DOCK3: variants seen among roughly 807,000 people sequenced by gnomAD.
DOCK3 encodes dedicator of cytokinesis protein 3.
Under a neutral mutation model 265.6 loss-of-function variants are expected in DOCK3, and 60 were observed. The ratio of observed to expected loss-of-function variants is 0.23; its 90% CI spans 0.18 to 0.28. DOCK3 has a LOEUF of 0.28. Ranked by LOEUF, DOCK3 falls within the 10% of genes least tolerant of loss-of-function variation. The pLI is 1.00. For missense variants in DOCK3, 1,981 were observed against 2,594.3 expected (o/e 0.76, Z 5.14); for synonymous variants, 881 against 938.0 (o/e 0.94, Z 1.11).
At chr3:51,030,192 C>T (rs992155641) in intron 5 of DOCK3, among the ~76,000 whole-genome samples, 2 of 152,186 alleles carry the variant, frequency 1.3e-5, no homozygotes, top group African/African-American at 2.4e-5. Flanking sequence ...ATTTTGCACT[C>T]CAAACTTGAC....
At chr3:51,348,479 T>C (rs1438111558) in intron 38 of DOCK3, among the ~76,000 whole-genome samples, 1 of 152,184 alleles carries the variant, frequency 6.6e-6, no homozygotes, top group Admixed American at 6.5e-5. Flanking sequence ...ATAAACAGGG[T>C]CCCTGCCCTC....
At chr3:50,950,531 G>A (rs977214074) in intron 5 of DOCK3, among the ~76,000 whole-genome samples, 21 of 145,394 alleles carry the variant, frequency 1.4e-4, no homozygotes, top group African/African-American at 5.4e-4. Flanking sequence ...CCACAGTAGT[G>A]CTCATTTGCA....
intron 12 of DOCK3, among the ~76,000 whole-genome samples, chr3:51,181,877 G>A (rs938393214): frequency 6.6e-6 from 1 of 152,198 alleles, no homozygotes; most frequent in Non-Finnish European, 1.5e-5. Context: ...GGTGTCTAAT[G>A]TAGTAGATTG....
intron 12 of DOCK3, among the ~76,000 whole-genome samples, chr3:51,166,590 A>G (rs992257346): frequency 1.1e-4 from 16 of 152,182 alleles, no homozygotes; most frequent in Admixed American, 7.2e-4. Context: ...ACAGTGTTCA[A>G]CAGTTCCCTT....
At chr3:51,284,315 G>C (rs1265585901) in intron 27 of DOCK3, among the ~76,000 whole-genome samples, 1 of 152,008 alleles carries the variant, frequency 6.6e-6, no homozygotes, top group Admixed American at 6.6e-5. Context: ...GATCAGTGCA[G>C]AAAAGTGGCT....
chr3:51,003,382 G>T (rs944272020), intron 5 of DOCK3, among the ~76,000 whole-genome samples: 1 of 152,184 alleles, frequency 6.6e-6, no homozygotes, highest in Non-Finnish European at 1.5e-5. Context: ...TGAAATTCTA[G>T]AATCTCTAAA....
intron 23 of DOCK3, among the ~76,000 whole-genome samples, chr3:51,263,141 A>G (rs2079953815): frequency 6.6e-6 from 1 of 152,234 alleles, no homozygotes; most frequent in Non-Finnish European, 1.5e-5. Flanking sequence ...GATTGAAATG[A>G]AGGAAAATAT....
chr3:51,338,471 C>T lies in DOCK3; in HGVS notation c.3672+52C>T, dbSNP rs1226033767. 8.4e-6 allele frequency: 13 copies of T among 1,540,624 alleles called. No homozygotes were observed. In the South Asian group the frequency reaches 1.3e-4, roughly 16 times the overall value. ...CTCTGCCTACTGAAATGGTTTCTGT[C>T]CTGCACTGTGATTGGCTTGGCCCTT... On this transcript the variant is annotated intron_variant, in intron 36 of 52. Coordinates refer to ENST00000266037, the MANE Select transcript of DOCK3 (RefSeq NM_004947.5).
intron 4 of DOCK3, among the ~76,000 whole-genome samples, chr3:50,932,117 G>GAT (rs1037762404): frequency 6.6e-6 from 1 of 152,150 alleles, no homozygotes; most frequent in Non-Finnish European, 1.5e-5. Flanking sequence ...ACAAGCCCTT[G>GAT]ATGAAAGCTT....
At chr3:51,187,751 CTTTTT>C (rs1222615450) in intron 12 of DOCK3, among the ~76,000 whole-genome samples, 1 of 112,138 alleles carries the variant, frequency 8.9e-6, no homozygotes, top group African/African-American at 3.4e-5. Context: ...TCTGCACAAG[CTTTTT>C]TTTTTTTTTT....
At chr3:50,874,066 GTTTT>G (rs3043436) in intron 3 of DOCK3, among the ~76,000 whole-genome samples, 24 of 106,238 alleles carry the variant, frequency 2.3e-4, no homozygotes, top group African/African-American at 7.7e-4. Context: ...CTTTTCTTTT[GTTTT>G]TTTTTTTTTT....
In DOCK3 at chr3:51,160,558, G is replaced by A. The variant is rs750842490; in HGVS notation, c.893G>A (p.Arg298Gln). 12 of 1,607,732 alleles carry A rather than the reference G, an allele frequency of 7.5e-6. No homozygotes were observed. Among genetic ancestry groups the A allele is most frequent in the East Asian group, 2.2e-5 (1 of 44,746 alleles). Residue 298 changes from arginine (R) to glutamine (Q), a missense_variant, in exon 12 of 53, where the codon CGG (arginine) becomes CAG (glutamine). By Grantham distance (43) the Arg-to-Gln change is conservative. Coordinates refer to ENST00000266037, the MANE Select transcript of DOCK3 (RefSeq NM_004947.5). Reference protein sequence around the residue: ...YIVAHVIRIGRMLLNDSKKGP... With the variant: ...YIVAHVIRIGQMLLNDSKKGP... The stretch of plus-strand genomic sequence containing the variant: ...GGTGTTTTCTGCTGTGCCCAAGGCC[G>A]GATGCTCCTGAACGACTCAAAGAAA...
Position 51,379,563 on chromosome 3 carries a change from T to C in DOCK3, c.5501-562T>C, listed in dbSNP as rs1451927552. On this transcript the variant is annotated intron_variant, in intron 51 of 52. Transcript: ENST00000266037. ...GCCCCCCCAGTGCCTCCCCGAAGCC[T>C]GCTGCATGGTAAGAAGACCTCCAGC... is the stretch of plus-strand genomic sequence containing the variant. 3.0e-6 allele frequency: 3 copies of C among 985,336 alleles called. No individual in the cohort carries two copies. In the African/African-American group the frequency reaches 5.2e-5, roughly 17 times the overall value. 61.0% of individuals were successfully genotyped at this position (985,336 alleles called of 1,614,324 possible). A position where few individuals can be genotyped will look rare whatever the true frequency, so the allele number is the denominator to read the frequency against.
At chr3:50,759,398 T>C (rs978206512) in intron 1 of DOCK3, among the ~76,000 whole-genome samples, 1 of 152,146 alleles carries the variant, frequency 6.6e-6, no homozygotes, top group African/African-American at 2.4e-5. Flanking sequence ...GTAATAGCCA[T>C]CCAAATGGGT....
At chr3:50,982,527 G>GCTCC (rs1331637941) in intron 5 of DOCK3, among the ~76,000 whole-genome samples, 2 of 152,146 alleles carry the variant, frequency 1.3e-5, no homozygotes, top group Non-Finnish European at 2.9e-5. Context: ...CCCCAAGGCA[G>GCTCC]CCGACTGCAT....
chr3:50,792,573 G>A, intron 2 of DOCK3, among the ~76,000 whole-genome samples: 1 of 152,190 alleles, frequency 6.6e-6, no homozygotes, highest in Non-Finnish European at 1.5e-5. Flanking sequence ...GATTGGTTAT[G>A]ACGTTGGCTG....
chr3:50,934,391 A>G (rs2051242120), intron 5 of DOCK3, among the ~76,000 whole-genome samples: 1 of 152,192 alleles, frequency 6.6e-6, no homozygotes, highest in African/African-American at 2.4e-5. Flanking sequence ...AAATGAACCA[A>G]CTTGAGACTT....
At chr3:50,822,320 G>C (rs1365954324) in intron 2 of DOCK3, among the ~76,000 whole-genome samples, 1 of 152,056 alleles carries the variant, frequency 6.6e-6, no homozygotes, top group Non-Finnish European at 1.5e-5. Flanking sequence ...GATGTTATTG[G>C]TGTATAGAAA....
At position 50,970,889 on chromosome 3, in the gene DOCK3, TTTTATATATATATATATATATA is replaced by T. The variant is rs1203318142; in HGVS notation, c.315+36814_315+36835del. Among the ~76,000 whole-genome samples the T allele has an allele frequency of 6.7e-3, 288 of 42,932 alleles. 16 individuals are homozygous for T. The highest frequency in any genetic ancestry group is 0.015 in the South Asian group (19 of 1,260). 28.2% of individuals were successfully genotyped at this position (42,932 alleles called of 152,430 possible). A position where few individuals can be genotyped will look rare whatever the true frequency, so the allele number is the denominator to read the frequency against. ...GCACATACTACCACACTCATCTAATTTTTATATATATATATATATATATATATATATATATATATATATATAT... is the reference window on the plus strand; with the variant it reads ...GCACATACTACCACACTCATCTAATTTATATATATATATATATATATATAT... On this transcript the variant is annotated intron_variant, in intron 5 of 52. Transcript: ENST00000266037.
Sources: gnomAD v4.1 joint callset for allele counts (sites outside exome capture counted in the v4.1 genomes callset) on GRCh38, gnomAD v4.1.1 for gene constraint, MANE v1.5 for transcripts, NCBI Gene and HGNC (gene_info 2026-07-23, HGNC 2026-07-21) for gene names.